The following LYPD6B variants were observed in gnomAD, a reference collection of about 807,000 sequenced individuals.
LYPD6B encodes LY6/PLAUR domain containing 6B, also known as ly6/PLAUR domain-containing protein 6B.
In LYPD6B, 17 loss-of-function variants were observed where a neutral mutation model predicts 22.8. The ratio of observed to expected loss-of-function variants is 0.75; its 90% CI spans 0.51 to 1.12. LYPD6B has a LOEUF of 1.12. Ranked by LOEUF, LYPD6B falls within the 50% of genes most tolerant of loss-of-function variation. The pLI, the probability that LYPD6B is intolerant of heterozygous loss-of-function variation, is 0.00. For missense variants in LYPD6B, 221 were observed against 258.3 expected (o/e 0.86, Z 0.99); for synonymous variants, 106 against 91.6 (o/e 1.16, Z -0.90).
chr2:149,056,331 A>G (rs548428912), intron 1 of LYPD6B, among the ~76,000 whole-genome samples: 2 of 152,242 alleles, frequency 1.3e-5, no homozygotes, highest in Non-Finnish European at 2.9e-5. Flanking sequence ...GTGCTCATGG[A>G]GGGGAGACAC....
rs1240011404 is a variant in LYPD6B, at chr2:149,038,726, C to G, written c.-142C>G. ...CGCGCGGTAGCAGCCAACGCCGGCC[C>G]CAGGCGGGTGCGCTGGGAGCCTGGG... is the stretch of plus-strand genomic sequence containing the variant. On this transcript the variant is annotated 5_prime_UTR_variant, in exon 1 of 7. Coordinates refer to ENST00000409642, the MANE Select transcript of LYPD6B (RefSeq NM_177964.5). 3.3e-5 allele frequency: 5 copies of G among 151,600 alleles called. No homozygotes were observed. Among genetic ancestry groups the G allele is most frequent in the African/African-American group, 1.2e-4 (5 of 41,366 alleles). The allele number at this position is 151,600 out of a possible 1,614,324, so 9.4% of individuals were successfully genotyped here. A position where few individuals can be genotyped will look rare whatever the true frequency, so the allele number is the denominator to read the frequency against.
At chr2:149,112,389 T>C (rs1686801835) in intron 1 of LYPD6B, among the ~76,000 whole-genome samples, 1 of 152,088 alleles carries the variant, frequency 6.6e-6, no homozygotes, top group Non-Finnish European at 1.5e-5. Context: ...GTTTAATATG[T>C]GAAAATACAT....
chr2:149,076,181 A>G (rs1232347342), intron 1 of LYPD6B, among the ~76,000 whole-genome samples: 2 of 152,214 alleles, frequency 1.3e-5, no homozygotes. Context: ...GAGTAGCACT[A>G]GAGTAACTTA....
intron 1 of LYPD6B, among the ~76,000 whole-genome samples, chr2:149,129,914 GGAA>G (rs10570138): frequency 0.2 from 30,898 of 152,126 alleles, 3,258 homozygotes; most frequent in East Asian, 0.37. Context: ...TGTCTGGGAA[GGAA>G]GAAGGAGGAG....
intron 2 of LYPD6B, among the ~76,000 whole-genome samples, chr2:149,150,474 T>C (rs1196270774): frequency 1.3e-5 from 2 of 151,684 alleles, no homozygotes; most frequent in African/African-American, 4.8e-5. Flanking sequence ...AAGAGTGAAA[T>C]TGTTTGTTTG....
intron 1 of LYPD6B, among the ~76,000 whole-genome samples, chr2:149,098,643 A>AG (rs1553482535): frequency 3.4e-4 from 45 of 130,990 alleles, no homozygotes; most frequent in African/African-American, 1.2e-3. Flanking sequence ...AAAAAAAAAA[A>AG]AAAAAAGAAA....
chr2:149,101,605 G>T (rs188487150), intron 1 of LYPD6B: 1 of 152,478 alleles, frequency 6.6e-6, no homozygotes, highest in African/African-American at 2.4e-5. Flanking sequence ...CTGGAGCAAG[G>T]GAGGCCCTTT....
chr2:149,212,540 GA>G (rs1252797233), intron 5 of LYPD6B, among the ~76,000 whole-genome samples: 2 of 152,022 alleles, frequency 1.3e-5, no homozygotes, highest in Non-Finnish European at 1.5e-5. Context: ...GTATACAAGA[GA>G]AAAATGATGA....
chr2:149,207,548 T>C (rs1244951885), intron 4 of LYPD6B, among the ~76,000 whole-genome samples: 12 of 151,818 alleles, frequency 7.9e-5, no homozygotes, highest in Non-Finnish European at 1.5e-5. Flanking sequence ...TAAAGACAAG[T>C]TGCTCTCAGT....
chr2:149,066,957 C>G (rs1684364240), intron 1 of LYPD6B, among the ~76,000 whole-genome samples: 1 of 151,992 alleles, frequency 6.6e-6, no homozygotes. Context: ...ACCTTTGCAC[C>G]CCTTCCTTCC....
intron 1 of LYPD6B, among the ~76,000 whole-genome samples, chr2:149,062,379 C>G (rs1684129104): frequency 6.6e-6 from 1 of 152,162 alleles, no homozygotes; most frequent in African/African-American, 2.4e-5. Flanking sequence ...TAAATTGTAG[C>G]ATTGATGATG....
intron 5 of LYPD6B, among the ~76,000 whole-genome samples, chr2:149,212,364 GA>G (rs1208777101): frequency 1.0e-5 from 1 of 97,260 alleles, no homozygotes; most frequent in Non-Finnish European, 1.9e-5. Context: ...CCTGGGGACA[GA>G]GTAAGACTCC....
intron 3 of LYPD6B, among the ~76,000 whole-genome samples, chr2:149,173,988 C>T (rs750202853): frequency 7.2e-5 from 11 of 152,096 alleles, no homozygotes; most frequent in African/African-American, 1.2e-4. Flanking sequence ...TTGGGCAGTA[C>T]GGCCATTTTC....
intron 3 of LYPD6B, among the ~76,000 whole-genome samples, chr2:149,197,242 G>A (rs1487037524): frequency 3.3e-5 from 5 of 152,174 alleles, no homozygotes; most frequent in African/African-American, 4.8e-5. Flanking sequence ...GGCTAGACAC[G>A]GTGGCTCATG....
chr2:149,177,266 T>C (rs1191793310), intron 3 of LYPD6B, among the ~76,000 whole-genome samples: 1 of 152,214 alleles, frequency 6.6e-6, no homozygotes, highest in Non-Finnish European at 1.5e-5. Context: ...TTCCAGCTAC[T>C]CATTTGGTGG....
At chr2:149,205,711 T>G (rs1270577091) in intron 4 of LYPD6B, among the ~76,000 whole-genome samples, 1 of 152,216 alleles carries the variant, frequency 6.6e-6, no homozygotes, top group Non-Finnish European at 1.5e-5. Context: ...CTGTCTTCCC[T>G]GGAGAAGGAA....
At chr2:149,059,343 A>G (rs1683960683) in intron 1 of LYPD6B, among the ~76,000 whole-genome samples, 1 of 152,212 alleles carries the variant, frequency 6.6e-6, no homozygotes, top group Admixed American at 6.5e-5. Context: ...GTTGCCAGGA[A>G]TGAATGTTTA....
intron 2 of LYPD6B, among the ~76,000 whole-genome samples, chr2:149,140,818 T>A (rs1352790148): frequency 6.6e-6 from 1 of 152,180 alleles, no homozygotes; most frequent in East Asian, 1.9e-4. Context: ...GAGAGAAAAC[T>A]TTTCTCCATT....
intron 1 of LYPD6B, among the ~76,000 whole-genome samples, chr2:149,090,678 G>T (rs747006503): frequency 8.6e-5 from 13 of 151,964 alleles, no homozygotes; most frequent in Admixed American, 2.0e-4. Context: ...AGACTCCTAG[G>T]GGTGATAACT....
Sources: gnomAD v4.1 joint callset for allele counts (sites outside exome capture counted in the v4.1 genomes callset) on GRCh38, gnomAD v4.1.1 for gene constraint, MANE v1.5 for transcripts, NCBI Gene and HGNC (gene_info 2026-07-23, HGNC 2026-07-21) for gene names.